Variants in ADAMTS9 observed in about 807,000 individuals in gnomAD.
ADAMTS9 encodes ADAM metallopeptidase with thrombospondin type 1 motif 9.
In ADAMTS9, 107 loss-of-function variants were observed where a neutral mutation model predicts 257.1. The ratio of observed to expected loss-of-function variants is 0.42; its 90% confidence interval spans 0.36 to 0.49. The LOEUF is 0.49. Among genes scored for constraint, ADAMTS9 ranks in the 20% least tolerant of loss-of-function variants. ADAMTS9 has a pLI of 0.03. For synonymous variants in ADAMTS9, 982 were observed against 880.9 expected (o/e 1.11, Z -2.03); for missense variants, 2,353 against 2,469.1 (o/e 0.95, Z 1.00).
chr3:64,650,403 C>T (rs975639313), intron 9 of ADAMTS9: 1 of 152,394 alleles, frequency 6.6e-6, no homozygotes, highest in African/African-American at 2.4e-5. Flanking sequence ...GCGAGAAGAG[C>T]AATAAATCTG....
At chr3:64,558,977 T>C (rs1418715854) in intron 30 of ADAMTS9, among the ~76,000 whole-genome samples, 1 of 151,998 alleles carries the variant, frequency 6.6e-6, no homozygotes, top group Non-Finnish European at 1.5e-5. Flanking sequence ...GCTGAAAGAA[T>C]GGATGTGAGA....
rs769264721 is a variant in ADAMTS9 at position 64,606,921 on chromosome 3, C to T, written c.3474+39G>A. The T allele has an allele frequency of 3.1e-6, 5 of 1,610,472 alleles. No homozygotes were observed. The South Asian group carries it at 4.4e-5, about 14-fold the overall frequency. On this transcript the variant is annotated intron_variant, in intron 23 of 39. Coordinates refer to ENST00000498707, the MANE Select transcript of ADAMTS9 (RefSeq NM_182920.2). ...CAGCTGGGCAGTTTGGTACCTTGGTCCCCAAAGTCAATAACTGAGTTGGAC... is the reference window on the plus strand; with the variant it reads ...CAGCTGGGCAGTTTGGTACCTTGGTTCCCAAAGTCAATAACTGAGTTGGAC...
chr3:64,581,775 A>G (rs2084008364), intron 28 of ADAMTS9, among the ~76,000 whole-genome samples: 1 of 152,244 alleles, frequency 6.6e-6, no homozygotes, highest in Admixed American at 6.5e-5. Context: ...ATTGGGCACC[A>G]GTGCATAAGT....
At chr3:64,517,614 T>C (rs1267659810) in intron 39 of ADAMTS9, among the ~76,000 whole-genome samples, 2 of 151,562 alleles carry the variant, frequency 1.3e-5, no homozygotes, top group African/African-American at 4.8e-5. Context: ...TTCAGGGAAG[T>C]AATAAACAAT....
chr3:64,661,899 ATTAG>A (rs550129037), intron 3 of ADAMTS9, among the ~76,000 whole-genome samples: 54 of 151,986 alleles, frequency 3.6e-4, no homozygotes, highest in Non-Finnish European at 5.4e-4. Context: ...TAAAGTCTCT[ATTAG>A]TTTTCTATTT....
chr3:64,668,530 C>T lies in ADAMTS9; in HGVS notation c.680-9739G>A, dbSNP rs1052714274. Among the ~76,000 whole-genome samples the T allele has an allele frequency of 3.3e-5, 5 of 152,306 alleles. No individual in the cohort carries two copies. The East Asian group carries it at 5.8e-4, about 18-fold the overall frequency. On this transcript the variant is annotated intron_variant, in intron 3 of 39. Transcript: ENST00000498707. ...ACCTCTGGTGAGTCACTTCAGCCCTCTGTGCCTCAGTTTCCTCATCTGTGA... is the reference window on the plus strand; with the variant it reads ...ACCTCTGGTGAGTCACTTCAGCCCTTTGTGCCTCAGTTTCCTCATCTGTGA...
intron 19 of ADAMTS9, among the ~76,000 whole-genome samples, chr3:64,617,009 T>C (rs1377780445): frequency 1.3e-5 from 2 of 152,194 alleles, no homozygotes; most frequent in East Asian, 3.9e-4. Flanking sequence ...TGCCCCAAAG[T>C]AGGTCAGAGT....
intron 2 of ADAMTS9, among the ~76,000 whole-genome samples, chr3:64,684,082 T>A (rs905942747): frequency 5.3e-5 from 8 of 152,038 alleles, no homozygotes; most frequent in Admixed American, 3.9e-4. Context: ...GGATTGAGGG[T>A]GGGGTGCAGA....
chr3:64,615,549 C>T (rs974017225), intron 20 of ADAMTS9, 64 bp from the exon 21 acceptor site: 3 of 1,496,192 alleles, frequency 2.0e-6, no homozygotes, highest in African/African-American at 2.8e-5. Flanking sequence ...GCTGAAGATC[C>T]TGGCTATGTT....
At chr3:64,622,612 C>T (rs1387424914) in intron 16 of ADAMTS9, 26 bp from the exon 17 acceptor site, 3 of 1,610,436 alleles carry the variant, frequency 1.9e-6, no homozygotes, top group Non-Finnish European at 2.5e-6. Context: ...CAGAATAATA[C>T]ATTGATCTGC....
chr3:64,554,871 C>T (rs2083311915), intron 30 of ADAMTS9, among the ~76,000 whole-genome samples: 1 of 152,166 alleles, frequency 6.6e-6, no homozygotes, highest in African/African-American at 2.4e-5. Flanking sequence ...TTTTATTCAG[C>T]CAGGTAGGTT....
At chr3:64,551,084 G>A (rs1462078513) in intron 30 of ADAMTS9, 22 bp from the exon 31 acceptor site, 8 of 1,612,646 alleles carry the variant, frequency 5.0e-6, no homozygotes, top group Non-Finnish European at 6.8e-6. Flanking sequence ...AAGCAAAAGA[G>A]AAGAATAAAC....
In ADAMTS9 at chr3:64,525,395, A is replaced by T. The variant is rs556914307; in HGVS notation, c.5719-3135T>A. ...CCTCTGCGCCTGCACAATATTGCAT[A>T]TTTTCCACTTCTGGAAATAACACTA... On this transcript the variant is annotated intron_variant, in intron 38 of 39. Coordinates refer to ENST00000498707, the MANE Select transcript of ADAMTS9 (RefSeq NM_182920.2). Among the ~76,000 whole-genome samples, 10 of 152,156 alleles carry T rather than the reference A, an allele frequency of 6.6e-5. No homozygotes were observed. In the South Asian group the frequency reaches 2.1e-3, roughly 32 times the overall value.
intron 16 of ADAMTS9, among the ~76,000 whole-genome samples, chr3:64,625,408 T>C (rs1287533059): frequency 6.6e-6 from 1 of 152,116 alleles, no homozygotes; most frequent in East Asian, 1.9e-4. Flanking sequence ...GTTCCAAGGA[T>C]TTAGGTTAAG....
Position 64,687,419 on chromosome 3 carries a change from A to C in ADAMTS9, c.115+124T>G. On this transcript the variant is annotated intron_variant, in intron 1 of 39. Transcript: ENST00000498707. This position sits in a 1 kb window ranked among gnomAD's most constrained non-coding sequence, Gnocchi z 4.4. Reference sequence around the variant, plus strand: ...GACCCAAAGAAGGGAGAGGCTGCAAAGCGGGAGATAATTCTTTCTAGGAAA... The same window carrying C: ...GACCCAAAGAAGGGAGAGGCTGCAACGCGGGAGATAATTCTTTCTAGGAAA... 1.2e-6 allele frequency: 1 copy of C among 825,940 alleles called. No individual in the cohort carries two copies. Among genetic ancestry groups the C allele is most frequent in the Non-Finnish European group, 1.8e-6 (1 of 550,676 alleles). The allele number at this position is 825,940 out of a possible 1,614,324, so 51.2% of individuals were successfully genotyped here.
intron 30 of ADAMTS9, among the ~76,000 whole-genome samples, chr3:64,551,489 G>T (rs112774460): frequency 6.6e-6 from 1 of 152,120 alleles, no homozygotes; most frequent in Admixed American, 6.5e-5. Flanking sequence ...GATTACAGGC[G>T]TGAGCCACCA....
chr3:64,639,420 C>T (rs1471012179), intron 12 of ADAMTS9, among the ~76,000 whole-genome samples: 1 of 147,772 alleles, frequency 6.8e-6, no homozygotes, highest in Non-Finnish European at 1.5e-5. Context: ...ATCTTTGTTG[C>T]ACTTTGAAGC....
At chr3:64,680,202 T>A (rs1021141471) in intron 3 of ADAMTS9, among the ~76,000 whole-genome samples, 2 of 152,214 alleles carry the variant, frequency 1.3e-5, no homozygotes, top group Non-Finnish European at 2.9e-5. Context: ...AAGTAAGTGA[T>A]CCTCTGGGGA....
intron 28 of ADAMTS9, among the ~76,000 whole-genome samples, chr3:64,591,724 C>A (rs1479519043): frequency 2.0e-5 from 3 of 152,134 alleles, no homozygotes; most frequent in Non-Finnish European, 2.9e-5. Context: ...TTGAAGTAGG[C>A]AATCTCCATT....
Sources: allele counts gnomAD v4.1 joint callset (sites outside exome capture counted in the v4.1 genomes callset), GRCh38; gene constraint gnomAD v4.1.1; non-coding constraint Gnocchi (gnomAD v3.1); transcripts MANE v1.5; gene names NCBI Gene and HGNC (gene_info 2026-07-23, HGNC 2026-07-21).